DLGAP2: variants seen among roughly 807,000 people sequenced by gnomAD.
The protein encoded by DLGAP2 is disks large-associated protein 2.
Under a neutral mutation model 100.3 loss-of-function variants are expected in DLGAP2, and 26 were observed. That is an observed-to-expected ratio of 0.26 (90% CI 0.19 to 0.36). DLGAP2 has a LOEUF of 0.36. Among genes scored for constraint, DLGAP2 ranks in the 10% least tolerant of loss-of-function variants. DLGAP2 has a pLI of 1.00. For missense variants in DLGAP2, 1,858 were observed against 1,453.2 expected, an observed-to-expected ratio of 1.28 and a Z score of -4.53; for synonymous variants, 886 against 630.1, an observed-to-expected ratio of 1.41 and a Z score of -6.08.
chr8:930,392 G>C (rs979349990), intron 2 of DLGAP2, among the ~76,000 whole-genome samples: 3 of 152,198 alleles, frequency 2.0e-5, no homozygotes, highest in Non-Finnish European at 4.4e-5. Flanking sequence ...CATGAACGAA[G>C]AGTTCCTGTG....
Position 1,100,507 on chromosome 8 carries a change from G to GGTGTGTGT in DLGAP2, c.74-158334_74-158327dup, listed in dbSNP as rs112136851. 3.0e-4 allele frequency among the ~76,000 whole-genome samples: 45 copies of GGTGTGTGT among 151,152 alleles called. 1 individual carries two copies. The highest frequency in any genetic ancestry group is 5.9e-4 in the East Asian group (3 of 5,110). On this transcript the variant is annotated intron_variant, in intron 2 of 14. Transcript: ENST00000637795. ...GGGAAAAACATGTATTAGAGTTTGT[G>GGTGTGTGT]GTGTGTGTGTGTGTGTGCGTGCACG... is the stretch of plus-strand genomic sequence containing the variant.
chr8:1,612,407 T>G (rs1319650394), intron 6 of DLGAP2, among the ~76,000 whole-genome samples: 4 of 119,784 alleles, frequency 3.3e-5, no homozygotes, highest in Non-Finnish European at 7.0e-5. Flanking sequence ...GGATTAAAGA[T>G]TTAAACGTTA....
chr8:1,264,246 T>C (rs1799407507), intron 3 of DLGAP2, among the ~76,000 whole-genome samples: 1 of 152,126 alleles, frequency 6.6e-6, no homozygotes, highest in Non-Finnish European at 1.5e-5. Context: ...CCAGCTGCAG[T>C]CGCTCCTGAG....
rs1243413035 is a variant in DLGAP2 at position 1,549,308 on chromosome 8, G to A, written c.855G>A (p.Pro285=). 6.2e-7 allele frequency: 1 copy of A among 1,612,776 alleles called. No individual in the cohort carries two copies. Among genetic ancestry groups the A allele is most frequent in the Non-Finnish European group, 8.5e-7 (1 of 1,179,668 alleles). ...SKRSKSKERK[P]EGKPRPGMSS... is the part of the protein sequence containing the mutation. ...GGAGCAAGAGCAAGGAGCGCAAGCCGGAGGGCAAGCCCCGGCCCGGCATGA... is the reference window on the plus strand; with the variant it reads ...GGAGCAAGAGCAAGGAGCGCAAGCCAGAGGGCAAGCCCCGGCCCGGCATGA... Residue 285 remains proline, a synonymous_variant, in exon 5 of 15, where the codon CCG becomes CCA. Transcript: ENST00000637795.
chr8:1,356,239 G>A (rs573617694), intron 3 of DLGAP2, among the ~76,000 whole-genome samples: 26 of 152,310 alleles, frequency 1.7e-4, no homozygotes, highest in Non-Finnish European at 2.4e-4. Context: ...CATGGGACCC[G>A]GGGAGCCATG....
intron 1 of DLGAP2, among the ~76,000 whole-genome samples, chr8:865,667 G>T (rs981831180): frequency 1.3e-5 from 2 of 152,218 alleles, no homozygotes; most frequent in Admixed American, 6.5e-5. Context: ...CCGGTTTTAA[G>T]GTTGTGGGAA....
chr8:1,500,186 C>T (rs965595578), intron 3 of DLGAP2, among the ~76,000 whole-genome samples: 3 of 152,240 alleles, frequency 2.0e-5, no homozygotes, highest in Non-Finnish European at 4.4e-5. Context: ...TGTTTACATG[C>T]ACATGTAACG....
chr8:1,183,366 T>C (rs1797432251), intron 2 of DLGAP2, among the ~76,000 whole-genome samples: 1 of 152,228 alleles, frequency 6.6e-6, no homozygotes, highest in Non-Finnish European at 1.5e-5. Context: ...TTTTAGATTA[T>C]AGATGTGGCA....
intron 8 of DLGAP2, among the ~76,000 whole-genome samples, chr8:1,655,328 C>A (rs1349003065): frequency 1.3e-5 from 2 of 152,198 alleles, no homozygotes; most frequent in African/African-American, 4.8e-5. Flanking sequence ...TATTCATTCT[C>A]TCATTCAGAC....
intron 1 of DLGAP2, among the ~76,000 whole-genome samples, chr8:853,515 T>A (rs1428709240): frequency 1.3e-5 from 2 of 151,984 alleles, no homozygotes; most frequent in Admixed American, 1.3e-4. Flanking sequence ...ATGATGGGGA[T>A]CCCCCACGAC....
At chr8:1,232,448 C>G (rs1798556414) in intron 2 of DLGAP2, among the ~76,000 whole-genome samples, 1 of 152,208 alleles carries the variant, frequency 6.6e-6, no homozygotes, top group Admixed American at 6.5e-5. Flanking sequence ...CTACCAGGGT[C>G]AGGTGCAGGC....
intron 4 of DLGAP2, among the ~76,000 whole-genome samples, chr8:1,542,764 C>G (rs1801405917): frequency 6.6e-6 from 1 of 152,192 alleles, no homozygotes; most frequent in African/African-American, 2.4e-5. Flanking sequence ...TCGGAGTAGA[C>G]TCACTGGGGC....
At chr8:1,140,333 CAT>C in intron 2 of DLGAP2, among the ~76,000 whole-genome samples, 1 of 124,612 alleles carries the variant, frequency 8.0e-6, no homozygotes, top group Non-Finnish European at 1.8e-5. Flanking sequence ...GCCTCCCTTC[CAT>C]CTGGAAGGCA....
At chr8:1,357,250 G>T (rs552616027) in intron 3 of DLGAP2, among the ~76,000 whole-genome samples, 7 of 152,056 alleles carry the variant, frequency 4.6e-5, no homozygotes, top group African/African-American at 1.7e-4. Flanking sequence ...TGCAGAGTGT[G>T]CCGGTCCTCG....
At chr8:1,573,994 C>T (rs1047999047) in intron 6 of DLGAP2, among the ~76,000 whole-genome samples, 20 of 152,036 alleles carry the variant, frequency 1.3e-4, no homozygotes, top group African/African-American at 4.6e-4. Flanking sequence ...GACTCCTAAC[C>T]CATTCTGGGA....
intron 2 of DLGAP2, among the ~76,000 whole-genome samples, chr8:924,038 G>A (rs1157666130): frequency 6.6e-6 from 1 of 152,210 alleles, no homozygotes; most frequent in Non-Finnish European, 1.5e-5. Flanking sequence ...AATGTCACAT[G>A]ACAGCATCCA....
chr8:1,559,681 C>T (rs3793421), intron 5 of DLGAP2, among the ~76,000 whole-genome samples: 52,865 of 152,124 alleles, frequency 0.35, 9,950 homozygotes, highest in Non-Finnish European at 0.42. Context: ...ATCCCATAAA[C>T]CTGCCAAAGT....
chr8:786,576 C>T (rs1039764992), intron 1 of DLGAP2, among the ~76,000 whole-genome samples: 51 of 152,098 alleles, frequency 3.4e-4, no homozygotes, highest in African/African-American at 1.2e-3. Context: ...CCTGAGCGCA[C>T]TACGCACAGT....
intron 2 of DLGAP2, among the ~76,000 whole-genome samples, chr8:1,042,112 GAGCCCCCAGCCCC>G (rs1802372271): frequency 6.6e-6 from 1 of 152,178 alleles, no homozygotes; most frequent in Non-Finnish European, 1.5e-5. Flanking sequence ...ACAGGCAGGA[GAGCCCCCAGCCCC>G]AGCACCTGCC....
Sources: allele counts gnomAD v4.1 joint callset (sites outside exome capture counted in the v4.1 genomes callset), GRCh38; gene constraint gnomAD v4.1.1; transcripts MANE v1.5; gene names NCBI Gene and HGNC (gene_info 2026-07-23, HGNC 2026-07-21).